UNC79: variants seen among roughly 807,000 people sequenced by gnomAD.
UNC79 encodes protein unc-79 homolog.
Under a neutral mutation model 283.1 loss-of-function variants are expected in UNC79, and 37 were observed. That is an observed-to-expected ratio of 0.13 (90% CI 0.10 to 0.17). The LOEUF is 0.17. UNC79 is among the 10% of genes least tolerant of loss of function. UNC79 has a pLI of 1.00. For synonymous variants in UNC79, 1,107 were observed against 1,200.2 expected, an observed-to-expected ratio of 0.92 and a Z score of 1.61; for missense variants, 2,272 against 3,211.1, an observed-to-expected ratio of 0.71 and a Z score of 7.07.
chr14:93,529,995 CAG>C (rs1375758138), intron 10 of UNC79, among the ~76,000 whole-genome samples: 1 of 151,918 alleles, frequency 6.6e-6, no homozygotes, highest in Non-Finnish European at 1.5e-5. Flanking sequence ...CTGACAAACA[CAG>C]AGGAAAAATG....
chr14:93,405,534 A>G (rs558598286), intron 1 of UNC79, among the ~76,000 whole-genome samples: 7 of 152,314 alleles, frequency 4.6e-5, no homozygotes, highest in African/African-American at 1.7e-4. Context: ...AAGAATATAA[A>G]TGCTTCAAGT....
intron 14 of UNC79, among the ~76,000 whole-genome samples, chr14:93,552,862 C>T (rs1483450439): frequency 6.6e-6 from 1 of 152,152 alleles, no homozygotes; most frequent in Non-Finnish European, 1.5e-5. Flanking sequence ...ACTTGGGGCT[C>T]CTGGACCTGT....
At chr14:93,498,734 A>G (rs1467405417) in intron 7 of UNC79, among the ~76,000 whole-genome samples, 1 of 152,182 alleles carries the variant, frequency 6.6e-6, no homozygotes, top group East Asian at 1.9e-4. Flanking sequence ...TGCGAAACAA[A>G]CAAACAAATC....
At chr14:93,554,741 C>G (rs527433485) in intron 14 of UNC79, among the ~76,000 whole-genome samples, 2 of 152,230 alleles carry the variant, frequency 1.3e-5, no homozygotes, top group Non-Finnish European at 2.9e-5. Context: ...CCATCTCTAA[C>G]TGGCTTAAAC....
At chr14:93,586,879 C>T in exon 22 of UNC79, 1 of 1,613,946 alleles carries the variant, frequency 6.2e-7, no homozygotes, top group Non-Finnish European at 8.5e-7. Context: ...AATTTTTAGC[C>T]TACATTCAGG....
chr14:93,376,463 G>A (rs890631832), intron 1 of UNC79, among the ~76,000 whole-genome samples: 1 of 152,226 alleles, frequency 6.6e-6, no homozygotes, highest in South Asian at 2.1e-4. Context: ...GGGGCAAACC[G>A]TATATTTATA....
chr14:93,371,881 G>A (rs56267076), intron 1 of UNC79, among the ~76,000 whole-genome samples: 5,863 of 151,736 alleles, frequency 0.039, 387 homozygotes, highest in African/African-American at 0.13. Flanking sequence ...CTCAGAAACC[G>A]TGCAAACAAG....
chr14:93,630,581 C>G (rs937176831), intron 30 of UNC79, among the ~76,000 whole-genome samples: 11 of 152,314 alleles, frequency 7.2e-5, no homozygotes, highest in East Asian at 3.9e-4. Flanking sequence ...TCATTAATCT[C>G]CAAAAGGCAG....
intron 47 of UNC79, among the ~76,000 whole-genome samples, chr14:93,702,920 C>T (rs1379158011): frequency 2.6e-5 from 4 of 152,220 alleles, no homozygotes; most frequent in Non-Finnish European, 2.9e-5. Flanking sequence ...CCCTAATCTG[C>T]AGGCTGCTGC....
chr14:93,508,948 C>G (rs2059681293), intron 7 of UNC79, among the ~76,000 whole-genome samples: 1 of 152,066 alleles, frequency 6.6e-6, no homozygotes, highest in Admixed American at 6.6e-5. Context: ...TGTTTTCACA[C>G]CACTAAAAAG....
At chr14:93,616,435 C>T (rs2066736536) in intron 27 of UNC79, among the ~76,000 whole-genome samples, 1 of 139,546 alleles carries the variant, frequency 7.2e-6, no homozygotes, top group Non-Finnish European at 1.5e-5. Context: ...GTGGTGTGAT[C>T]ATGGCTCACT....
At chr14:93,538,995 T>G (rs1169985094) in intron 12 of UNC79, among the ~76,000 whole-genome samples, 1 of 151,344 alleles carries the variant, frequency 6.6e-6, no homozygotes. Flanking sequence ...CTACGCCTCC[T>G]GGGTTCAAGC....
chr14:93,693,474 A>G (rs938318635), intron 46 of UNC79, among the ~76,000 whole-genome samples: 28 of 152,238 alleles, frequency 1.8e-4, no homozygotes, highest in Admixed American at 1.7e-3. Context: ...TTACAAAAGA[A>G]TTTGAATTAA....
chr14:93,474,762 A>G lies in UNC79; in HGVS notation c.448+369A>G, dbSNP rs1398764330. Among the ~76,000 whole-genome samples, 1 of 152,222 alleles carries G rather than the reference A, an allele frequency of 6.6e-6. No homozygotes were observed. Among genetic ancestry groups the G allele is most frequent in the Admixed American group, 6.5e-5 (1 of 15,280 alleles). ...CCAGAAAATTAAGAAGTAGAGCATG[A>G]AGAGCAGGCTATAATCCACTGACTG... On this transcript the variant is annotated intron_variant, in intron 3 of 48. Transcript: ENST00000555664. This position sits in a 1 kb window ranked among gnomAD's most constrained non-coding sequence, Gnocchi z 4.1.
chr14:93,553,775 T>C (rs1196086754), intron 14 of UNC79, among the ~76,000 whole-genome samples: 3 of 152,234 alleles, frequency 2.0e-5, no homozygotes, highest in African/African-American at 4.8e-5. Context: ...AATGTGATAG[T>C]GTTTCCTGTA....
chr14:93,672,991 A>C (rs565027536), intron 40 of UNC79, among the ~76,000 whole-genome samples: 6 of 152,282 alleles, frequency 3.9e-5, no homozygotes, highest in Admixed American at 3.3e-4. Context: ...AGAGTTGTAT[A>C]TGTTTCTCTC....
At chr14:93,578,151 C>A in intron 18 of UNC79, 88 bp downstream of exon 18, 1 of 1,227,714 alleles carries the variant, frequency 8.1e-7, no homozygotes, top group South Asian at 1.5e-5. Context: ...TTGGGCATCT[C>A]CACACTTATC....
At chr14:93,390,561 A>G (rs1423449709) in intron 1 of UNC79, among the ~76,000 whole-genome samples, 1 of 152,194 alleles carries the variant, frequency 6.6e-6, no homozygotes, top group Non-Finnish European at 1.5e-5. Flanking sequence ...TATATATAGA[A>G]AAATTTAAAA....
chr14:93,530,760 T>TA (rs2060779219), intron 10 of UNC79, among the ~76,000 whole-genome samples: 1 of 151,906 alleles, frequency 6.6e-6, no homozygotes, highest in South Asian at 2.1e-4. Flanking sequence ...ATACAAAAAA[T>TA]TAGCCGGGCG....
Sources: gnomAD v4.1 joint callset for allele counts (sites outside exome capture counted in the v4.1 genomes callset) on GRCh38, gnomAD v4.1.1 for gene constraint, Gnocchi (gnomAD v3.1) non-coding constraint, MANE v1.5 for transcripts, NCBI Gene and HGNC (gene_info 2026-07-23, HGNC 2026-07-21) for gene names.